IFT88: variants seen among roughly 807,000 people sequenced by gnomAD.
IFT88 encodes intraflagellar transport protein 88 homolog.
Under a neutral mutation model 119.5 loss-of-function variants are expected in IFT88, and 74 were observed. That is an observed-to-expected ratio of 0.62 (90% confidence interval 0.51 to 0.75). IFT88 has a LOEUF of 0.75. IFT88 is among the 30% of genes least tolerant of loss of function. The probability of loss-of-function intolerance (pLI) is 0.00; values close to 1 mark genes in which losing one functional copy is unlikely to be tolerated. For synonymous variants in IFT88, 279 were observed against 316.7 expected (o/e 0.88, Z 1.26); for missense variants, 961 against 977.7 (o/e 0.98, Z 0.23).
intron 10 of IFT88, among the ~76,000 whole-genome samples, chr13:20,599,010 G>A (rs2042188318): frequency 6.6e-6 from 1 of 151,934 alleles, no homozygotes; most frequent in South Asian, 2.1e-4. Flanking sequence ...CTCATAGAAT[G>A]TGCTTTTCCT....
Position 20,598,651 on chromosome 13 carries a change from G to A in IFT88, c.595G>A (p.Val199Ile). Residue 199 changes from valine (V) to isoleucine (I), a missense_variant and splice_region_variant, in exon 10 of 26, where the codon GTT becomes ATT. Physicochemically the swap from Val to Ile is conservative, Grantham distance 29. Transcript: ENST00000351808. ...TTTTCTATAATATTTTCTTCCTTAG[G>A]TTCTTTTCAATTTGGCCAGTCAGTA... Reference protein sequence around the residue: ...ENINLDLTYSVLFNLASQYSV... With the variant: ...ENINLDLTYSILFNLASQYSV... 6.3e-7 allele frequency: 1 copy of A among 1,596,082 alleles called. No individual in the cohort carries two copies. Among genetic ancestry groups the A allele is most frequent in the Non-Finnish European group, 8.6e-7 (1 of 1,164,926 alleles).
intron 3 of IFT88, among the ~76,000 whole-genome samples, chr13:20,587,587 G>C (rs1442540515): frequency 6.6e-6 from 1 of 152,020 alleles, no homozygotes; most frequent in African/African-American, 2.4e-5. Context: ...GAGAAAGCGT[G>C]ATCAATTCTT....
At chr13:20,622,121 A>G (rs1005095139) in intron 14 of IFT88, among the ~76,000 whole-genome samples, 8 of 152,148 alleles carry the variant, frequency 5.3e-5, no homozygotes, top group African/African-American at 9.7e-5. Flanking sequence ...CTGTTTACCA[A>G]TTGAGCATCC....
At chr13:20,574,783 A>C (rs2037052130) in intron 2 of IFT88, among the ~76,000 whole-genome samples, 1 of 152,240 alleles carries the variant, frequency 6.6e-6, no homozygotes, top group Non-Finnish European at 1.5e-5. Flanking sequence ...TTAGGGTTTT[A>C]AGAAAAATTT....
chr13:20,666,146 C>G (rs923385123), intron 23 of IFT88, among the ~76,000 whole-genome samples: 1 of 152,116 alleles, frequency 6.6e-6, no homozygotes, highest in Non-Finnish European at 1.5e-5. Flanking sequence ...TACTTTTTTC[C>G]TGACATGACC....
intron 12 of IFT88, among the ~76,000 whole-genome samples, chr13:20,603,879 C>T (rs1259582648): frequency 4.0e-5 from 6 of 151,860 alleles, no homozygotes; most frequent in African/African-American, 1.5e-4. Context: ...GCTTGGGTGA[C>T]AGAGTAAGAC....
At chr13:20,614,157 A>C (rs1248915993) in intron 13 of IFT88, among the ~76,000 whole-genome samples, 1 of 152,202 alleles carries the variant, frequency 6.6e-6, no homozygotes, top group Non-Finnish European at 1.5e-5. Context: ...TGTTTTTAAA[A>C]TTACACGCCA....
Position 20,643,408 on chromosome 13 carries a change from C to G in IFT88, c.1683-47C>G, listed in dbSNP as rs764753053. Reference sequence around the variant, plus strand: ...TAATGTTTTTTAAGTTTGCTTATTGCTTAATGAATTTAGAAAACATGTTTT... The same window carrying G: ...TAATGTTTTTTAAGTTTGCTTATTGGTTAATGAATTTAGAAAACATGTTTT... On this transcript the variant is annotated intron_variant, in intron 18 of 25. Coordinates refer to ENST00000351808, the MANE Select transcript of IFT88 (RefSeq NM_006531.5). 10 of 1,450,156 alleles carry G rather than the reference C, an allele frequency of 6.9e-6. No homozygotes were observed. The African/African-American group carries it at 1.4e-4, about 21-fold the overall frequency. The allele number at this position is 1,450,156 out of a possible 1,614,324, so 89.8% of individuals were successfully genotyped here. A position where few individuals can be genotyped will look rare whatever the true frequency, so the allele number is the denominator to read the frequency against.
chr13:20,674,342 C>T (rs7319149), intron 24 of IFT88, among the ~76,000 whole-genome samples: 32,045 of 152,136 alleles, frequency 0.21, 3,918 homozygotes, highest in African/African-American at 0.31. Context: ...GAGAAATTGA[C>T]AGAACACATC....
rs78789363 is a variant in IFT88, at chr13:20,661,264, C to T, written c.2069-2234C>T. On this transcript the variant is annotated intron_variant, in intron 22 of 25. Coordinates refer to ENST00000351808, the MANE Select transcript of IFT88 (RefSeq NM_006531.5). ...ACATTTGAAGTGGCCTTGAAGGGTA[C>T]GGAGGGTTTTACCAGGAAGGAAAGG... Among the ~76,000 whole-genome samples the T allele has an allele frequency of 6.4e-3, 973 of 152,080 alleles. 5 individuals are homozygous for T. Among genetic ancestry groups the T allele is most frequent in the African/African-American group, 8.0e-3 (330 of 41,478 alleles).
At chr13:20,596,845 A>G (rs916968183) in intron 8 of IFT88, among the ~76,000 whole-genome samples, 170 bp from the exon 9 acceptor site, 22 of 152,220 alleles carry the variant, frequency 1.4e-4, no homozygotes, top group African/African-American at 5.1e-4. Context: ...GTCATTCTAA[A>G]AAACAAAAAG....
intron 24 of IFT88, 85 bp downstream of exon 24, chr13:20,671,124 G>T (rs2055782180): frequency 2.0e-6 from 2 of 1,014,128 alleles, no homozygotes; most frequent in East Asian, 4.9e-5. Flanking sequence ...ATAATCTAAA[G>T]TGTTCTTATG....
Position 20,649,749 on chromosome 13 carries a change from G to A in IFT88, c.1950-4127G>A, listed in dbSNP as rs1478630964. On this transcript the variant is annotated intron_variant, in intron 20 of 25. Coordinates refer to ENST00000351808, the MANE Select transcript of IFT88 (RefSeq NM_006531.5). ...GCTCAACAAAATTGACAAATCTCTA[G>A]CTAGAAGGACTAACAAAAAAAAGAG... Among the ~76,000 whole-genome samples, 4 of 152,028 alleles carry A rather than the reference G, an allele frequency of 2.6e-5. No homozygotes were observed. The East Asian group carries it at 7.7e-4, about 29-fold the overall frequency.
At chr13:20,658,122 G>T (rs1382082741) in intron 22 of IFT88, among the ~76,000 whole-genome samples, 1 of 150,906 alleles carries the variant, frequency 6.6e-6, no homozygotes, top group Non-Finnish European at 1.5e-5. Flanking sequence ...TTGAGATGGA[G>T]TTTTCTTCTT....
chr13:20,603,601 A>C (rs2042960934), intron 12 of IFT88, among the ~76,000 whole-genome samples: 1 of 152,122 alleles, frequency 6.6e-6, no homozygotes, highest in Admixed American at 6.5e-5. Context: ...AAATGCTTAA[A>C]ATAGTACCTG....
intron 22 of IFT88, among the ~76,000 whole-genome samples, chr13:20,662,492 C>CA: frequency 6.6e-6 from 1 of 152,192 alleles, no homozygotes; most frequent in South Asian, 2.1e-4. Context: ...CACACAGAGA[C>CA]ACAACAAAAA....
intron 3 of IFT88, among the ~76,000 whole-genome samples, chr13:20,585,115 G>T (rs2039426497): frequency 6.6e-6 from 1 of 152,132 alleles, no homozygotes; most frequent in Admixed American, 6.6e-5. Context: ...TGAGTAGCTT[G>T]CCCATCTCAT....
chr13:20,625,967 A>C (rs2047229112), intron 15 of IFT88, 118 bp downstream of exon 15: 1 of 364,128 alleles, frequency 2.7e-6, no homozygotes, highest in Non-Finnish European at 4.7e-6. Flanking sequence ...GTTGAATAAT[A>C]TTTTTATTTC....
intron 23 of IFT88, among the ~76,000 whole-genome samples, chr13:20,666,856 A>G (rs1470682512): frequency 1.3e-5 from 2 of 152,372 alleles, no homozygotes; most frequent in Admixed American, 6.5e-5. Flanking sequence ...CACCACTTAG[A>G]CATCACTGTT....
Sources: allele counts gnomAD v4.1 joint callset (sites outside exome capture counted in the v4.1 genomes callset), GRCh38; gene constraint gnomAD v4.1.1; transcripts MANE v1.5; gene names NCBI Gene and HGNC (gene_info 2026-07-23, HGNC 2026-07-21).